Variants in MAP7D2 observed in about 807,000 individuals in gnomAD.
MAP7D2 encodes the protein MAP7 domain-containing protein 2.
In MAP7D2, 33 loss-of-function variants were observed where a neutral mutation model predicts 63.5. The ratio of observed to expected loss-of-function variants is 0.52; its 90% confidence interval spans 0.39 to 0.70. The LOEUF (loss-of-function observed/expected upper bound fraction) is 0.70. MAP7D2 is among the 30% of genes least tolerant of loss of function. MAP7D2 has a pLI of 0.00. For synonymous variants in MAP7D2, 224 were observed against 223.7 expected (o/e 1.00, Z -0.01); for missense variants, 626 against 604.0 (o/e 1.04, Z -0.38).
At chrX:20,015,915 C>A (rs2073368725) in intron 11 of MAP7D2, among the ~76,000 whole-genome samples, 179 bp downstream of exon 11, 1 of 112,346 alleles carries the variant, frequency 8.9e-6, no homozygotes, top group East Asian at 2.8e-4. Flanking sequence ...CCCTAACTCA[C>A]AGATGGCAAA....
chrX:20,064,492 A>G (rs1439485750), intron 2 of MAP7D2, among the ~76,000 whole-genome samples: 1 of 112,229 alleles, frequency 8.9e-6, no homozygotes. Context: ...TCGTAACTGC[A>G]GACCCTAACA....
At chrX:20,070,431 T>C (rs2065474930) in intron 1 of MAP7D2, among the ~76,000 whole-genome samples, 1 of 110,546 alleles carries the variant, frequency 9.0e-6, no homozygotes, top group South Asian at 3.8e-4. Context: ...CCTATAATAT[T>C]TCTTATAGCT....
At chrX:20,065,607 G>A (rs1311429994) in intron 1 of MAP7D2, among the ~76,000 whole-genome samples, 1 of 111,334 alleles carries the variant, frequency 9.0e-6, no homozygotes. Context: ...CCTTGGGTGA[G>A]CACTATGAAA....
chrX:20,056,713 C>A lies in MAP7D2; in HGVS notation c.451G>T (p.Ala151Ser), dbSNP rs758200164. Residue 151 changes from alanine (A) to serine (S), a missense_variant, in exon 4 of 17, where the codon GCA becomes TCA. Ala to Ser is a moderately conservative substitution (Grantham distance 99). Transcript: ENST00000379643. ...LELKKKYSWG[A>S]PLAIGPGGHD... ...CCTCCGGGTCCAATGGCCAGTGGTG[C>A]TCCCCACGAATACTTCTTTTTCAGC... is the stretch of plus-strand genomic sequence containing the variant. 8.3e-7 allele frequency: 1 copy of A among 1,211,402 alleles called. No individual in the cohort carries two copies. The highest frequency in any genetic ancestry group is 3.0e-5 in the East Asian group (1 of 33,840).
intron 16 of MAP7D2, among the ~76,000 whole-genome samples, chrX:20,010,519 T>C (rs1364835928): frequency 8.9e-6 from 1 of 112,250 alleles, no homozygotes; most frequent in East Asian, 2.8e-4. Context: ...GTCAAACCTT[T>C]AGCCAGTGTT....
intron 1 of MAP7D2, among the ~76,000 whole-genome samples, chrX:20,075,195 G>A (rs7888776): frequency 0.032 from 3,548 of 111,925 alleles, 139 homozygotes; most frequent in African/African-American, 0.11. Flanking sequence ...TGAAATTTCA[G>A]GTGGAACAGC....
chrX:20,072,341 C>G (rs140563300), intron 1 of MAP7D2, among the ~76,000 whole-genome samples: 1,196 of 110,785 alleles, frequency 0.011, 6 homozygotes, highest in Non-Finnish European at 0.014. Context: ...ACATTCGGGT[C>G]CTTCCCTCTC....
intron 6 of MAP7D2, among the ~76,000 whole-genome samples, chrX:20,049,148 C>T (rs1159473539): frequency 4.5e-5 from 5 of 110,465 alleles, no homozygotes; most frequent in African/African-American, 1.6e-4. Context: ...TGTCCATCTC[C>T]ATGGATTTTC....
intron 5 of MAP7D2, chrX:20,052,452 C>A (rs765562879): frequency 3.8e-5 from 10 of 259,918 alleles, no homozygotes; most frequent in Non-Finnish European, 1.4e-5. Context: ...ACTGCAGAAC[C>A]CCATTTTTTC....
At chrX:20,022,247 T>G in intron 10 of MAP7D2, among the ~76,000 whole-genome samples, 1 of 110,742 alleles carries the variant, frequency 9.0e-6, no homozygotes, top group Admixed American at 9.6e-5. Context: ...GTGTGATGGG[T>G]GAATGTCAGG....
At chrX:20,042,735 C>T (rs770623564) in intron 7 of MAP7D2, 106 bp from the exon 8 acceptor site, 8 of 966,060 alleles carry the variant, frequency 8.3e-6, no homozygotes, top group South Asian at 4.8e-5. Flanking sequence ...TCAGAGGGAT[C>T]GATATGAAGC....
At chrX:20,026,142 G>A (rs771211143) in intron 8 of MAP7D2, among the ~76,000 whole-genome samples, 190 bp from the exon 9 acceptor site, 42 of 110,949 alleles carry the variant, frequency 3.8e-4, no homozygotes, top group Middle Eastern at 9.1e-3. Flanking sequence ...TCTCTAAGAC[G>A]GCCCTGGTGG....
chrX:20,093,540 G>A lies in MAP7D2; in HGVS notation c.130+23210C>T, dbSNP rs752626948. On this transcript the variant is annotated intron_variant, in intron 1 of 16. Coordinates refer to ENST00000379643, the MANE Select transcript of MAP7D2 (RefSeq NM_001168465.2). ...GGCGTGGTGGCACGCACCTGTAGTCGGAGCTACTCAGGAGGCTGAGGCAGG... is the reference window on the plus strand; with the variant it reads ...GGCGTGGTGGCACGCACCTGTAGTCAGAGCTACTCAGGAGGCTGAGGCAGG... Among the ~76,000 whole-genome samples the A allele has an allele frequency of 1.9e-4, 21 of 110,666 alleles. No individual in the cohort carries two copies. The South Asian group carries it at 7.4e-3, about 39-fold the overall frequency.
chrX:20,021,715 T>A (rs1266795195), intron 10 of MAP7D2, among the ~76,000 whole-genome samples: 1 of 112,447 alleles, frequency 8.9e-6, no homozygotes, highest in Non-Finnish European at 1.9e-5. Flanking sequence ...CAATTCCTTA[T>A]GTCCTTTCTT....
chrX:20,068,299 T>C (rs759321121), intron 1 of MAP7D2, among the ~76,000 whole-genome samples: 1 of 112,196 alleles, frequency 8.9e-6, no homozygotes, highest in African/African-American at 3.2e-5. Flanking sequence ...GTTACCACCC[T>C]GCAGTGAGAA....
chrX:20,018,682 A>T (rs2073512729), intron 10 of MAP7D2, among the ~76,000 whole-genome samples: 1 of 110,562 alleles, frequency 9.0e-6, no homozygotes, highest in Non-Finnish European at 1.9e-5. Flanking sequence ...ACCTCAAGTG[A>T]TCTGCCTGCC....
At chrX:20,088,683 C>T (rs1476511459) in intron 1 of MAP7D2, among the ~76,000 whole-genome samples, 6 of 108,334 alleles carry the variant, frequency 5.5e-5, no homozygotes, top group Admixed American at 2.0e-4. Flanking sequence ...ATCTTATTTG[C>T]CTTTTAATTT....
Position 20,096,186 on chromosome X carries a change from G to T in MAP7D2, c.130+20564C>A, listed in dbSNP as rs2066258926. Among the ~76,000 whole-genome samples, 7 of 105,819 alleles carry T rather than the reference G, an allele frequency of 6.6e-5. No homozygotes were observed. In the Admixed American group the frequency reaches 7.2e-4, roughly 11 times the overall value. 91.9% of individuals were successfully genotyped at this position (105,819 alleles called of 115,157 possible). On this transcript the variant is annotated intron_variant, in intron 1 of 16. Coordinates refer to ENST00000379643, the MANE Select transcript of MAP7D2 (RefSeq NM_001168465.2). ...CTCATACCTGTAATCCCAACAATTT[G>T]GGAGGCTAAGACAAGAGGATTGCTT... is the stretch of plus-strand genomic sequence containing the variant.
chrX:20,010,563 G>C (rs1761197347), intron 16 of MAP7D2, among the ~76,000 whole-genome samples: 1 of 112,279 alleles, frequency 8.9e-6, no homozygotes. Context: ...CTAAATAGCA[G>C]GGTTAGGACA....
Sources: gnomAD v4.1 joint callset for allele counts (sites outside exome capture counted in the v4.1 genomes callset) on GRCh38, gnomAD v4.1.1 for gene constraint, MANE v1.5 for transcripts, NCBI Gene and HGNC (gene_info 2026-07-23, HGNC 2026-07-21) for gene names.